CROCC2: variants seen among roughly 807,000 people sequenced by gnomAD.
The protein encoded by CROCC2 is ciliary rootlet coiled-coil, rootletin family member 2, also known as ciliary rootlet coiled-coil protein 2.
A neutral mutation model predicts 177.6 loss-of-function variants in CROCC2; 163 were observed. The ratio of observed to expected loss-of-function variants is 0.92; its 90% CI spans 0.81 to 1.05. The LOEUF is 1.05. Among genes scored for constraint, CROCC2 ranks in the 50% least tolerant of loss-of-function variants. The pLI is 0.00. For synonymous variants in CROCC2, 904 were observed against 787.3 expected, an observed-to-expected ratio of 1.15 and a Z score of -2.48; for missense variants, 1,929 against 1,797.8, an observed-to-expected ratio of 1.07 and a Z score of -1.32.
chr2:240,934,415 AC>A lies in CROCC2; in HGVS notation c.1732del (p.Gln578SerfsTer32), dbSNP rs1223902255. On this transcript the variant is annotated frameshift_variant, in exon 12 of 32. Transcript: ENST00000690015. LOFTEE classifies it high-confidence loss of function. Reference protein sequence around the residue: ...ASVREALSTAQLQRDVVESER... With the variant: ...ASVREALSTAXLQRDVVESER... ...CGGTCCGGGAGGCACTGAGCACAGC[AC>A]AGCTGCAGCGGGATGTCGTGGAGAG... The A allele has an allele frequency of 1.9e-6, 3 of 1,548,582 alleles. No individual in the cohort carries two copies. The highest frequency in any genetic ancestry group is 2.6e-6 in the Non-Finnish European group (3 of 1,146,924).
In CROCC2 at chr2:240,933,729, A is replaced by T. The variant is rs559434174; in HGVS notation, c.1523A>T (p.Asp508Val). The T allele has an allele frequency of 9.0e-6, 14 of 1,550,292 alleles. No homozygotes were observed. The highest frequency in any genetic ancestry group is 1.2e-5 in the South Asian group (1 of 84,054). The change falls in exon 11 of 32, where the codon GAT becomes GTT. Residue 508 changes from aspartate to valine, a missense_variant. Physicochemically the swap from Asp to Val is radical, Grantham distance 152. Around this residue, in one of 3 missense-constraint regions of CROCC2, gnomAD observed 1,397 missense variants for 1,239.9 expected, o/e 1.13. Transcript: ENST00000690015. Reference sequence around the variant, plus strand: ...CTGAAAGGGAAGGCAGATGCTGCAGATGCGGAGAAGCAGGGGCTGGAGGCC... The same window carrying T: ...CTGAAAGGGAAGGCAGATGCTGCAGTTGCGGAGAAGCAGGGGCTGGAGGCC... ...EELKGKADAA[D>V]AEKQGLEAEA...
At chr2:240,974,104 T>C (rs993797744) in intron 27 of CROCC2, among the ~76,000 whole-genome samples, 1 of 152,230 alleles carries the variant, frequency 6.6e-6, no homozygotes, top group Non-Finnish European at 1.5e-5. Context: ...CTTCGTTATA[T>C]ACATGGTCTT....
rs376633622 is a variant in CROCC2, at chr2:240,931,653, G to A, written c.947+525G>A. The stretch of plus-strand genomic sequence containing the variant: ...CAGCTTCAGCAGAAAGTAGGGAGGC[G>A]GCTCCCCAGTGGAGGTCTAACCTGC... On this transcript the variant is annotated intron_variant, in intron 7 of 31. Coordinates refer to ENST00000690015, the MANE Select transcript of CROCC2 (RefSeq NM_001351305.2). Among the ~76,000 whole-genome samples the A allele has an allele frequency of 5.3e-5, 8 of 152,176 alleles. No homozygotes were observed. The South Asian group carries it at 6.2e-4, about 12-fold the overall frequency.
In CROCC2 at chr2:240,946,249, C is replaced by T. The variant is rs1335826957; in HGVS notation, c.2359C>T (p.Leu787Phe). 2.0e-6 allele frequency: 3 copies of T among 1,527,194 alleles called. No individual in the cohort carries two copies. Among genetic ancestry groups the T allele is most frequent in the African/African-American group, 2.8e-5 (2 of 72,692 alleles). The allele number at this position is 1,527,194 out of a possible 1,614,324, so 94.6% of individuals were successfully genotyped here. A position where few individuals can be genotyped will look rare whatever the true frequency, so the allele number is the denominator to read the frequency against. ...GCTCGCAGCTGAAGAGGCAGCTGAT[C>T]TCAGGTATGCAAGGGCCTGCCAGTC... ...GRLAAEEAAD[L>F]RVERDSLESS... Residue 787 changes from leucine to phenylalanine, a missense_variant, in exon 15 of 32, where the codon CTC becomes TTC. Leu to Phe is a conservative substitution (Grantham distance 22, BLOSUM62 0). This residue lies in a region of CROCC2 where 1,397 missense variants were observed against 1,239.9 expected (regional missense o/e 1.13). Coordinates refer to ENST00000690015, the MANE Select transcript of CROCC2 (RefSeq NM_001351305.2).
At chr2:240,969,036 G>A (rs987030359) in intron 27 of CROCC2, among the ~76,000 whole-genome samples, 7 of 152,218 alleles carry the variant, frequency 4.6e-5, no homozygotes, top group Admixed American at 2.0e-4. Context: ...AGAGAACAGC[G>A]TGCCTGGCTG....
chr2:240,945,440 T>C (rs1490385512), intron 14 of CROCC2, among the ~76,000 whole-genome samples: 2 of 152,226 alleles, frequency 1.3e-5, no homozygotes, highest in African/African-American at 2.4e-5. Context: ...TTGGTGGCTC[T>C]GAACCCTAAC....
chr2:240,956,405 C>G (rs780426684), intron 19 of CROCC2: 1 of 175,518 alleles, frequency 5.7e-6, no homozygotes, highest in African/African-American at 2.4e-5. Context: ...CAACCCGAGG[C>G]GGCTGGCCCT....
chr2:240,911,833 T>C (rs2059290872), intron 1 of CROCC2, among the ~76,000 whole-genome samples: 1 of 152,154 alleles, frequency 6.6e-6, no homozygotes, highest in Non-Finnish European at 1.5e-5. Context: ...TCCTTGCTTT[T>C]TAAGGCTGAG....
chr2:240,930,727 G>T (rs1465807853), intron 6 of CROCC2, among the ~76,000 whole-genome samples: 1 of 152,150 alleles, frequency 6.6e-6, no homozygotes, highest in East Asian at 1.9e-4. Context: ...GAAGCCTGAA[G>T]TGTGCAACCT....
Position 240,934,399 on chromosome 2 carries a change from A to G in CROCC2, c.1715A>G (p.Glu572Gly). 2 of 1,548,734 alleles carry G rather than the reference A, an allele frequency of 1.3e-6. No homozygotes were observed. The highest frequency in any genetic ancestry group is 1.7e-6 in the Non-Finnish European group (2 of 1,146,912). The change falls in exon 12 of 32, where the codon GAG becomes GGG. Residue 572 changes from glutamate to glycine, a missense_variant. Around this residue, in one of 3 missense-constraint regions of CROCC2, gnomAD observed 1,397 missense variants for 1,239.9 expected, o/e 1.13. Transcript: ENST00000690015. ...GLREELASVR[E>G]ALSTAQLQRD... is the part of the protein sequence containing the mutation. Reference sequence around the variant, plus strand: ...AGAGAGGAGCTGGCATCGGTCCGGGAGGCACTGAGCACAGCACAGCTGCAG... The same window carrying G: ...AGAGAGGAGCTGGCATCGGTCCGGGGGGCACTGAGCACAGCACAGCTGCAG...
In CROCC2 at chr2:240,932,901, G is replaced by A. The variant is rs758003991; in HGVS notation, c.1244G>A (p.Arg415Gln). Residue 415 changes from arginine to glutamine, a missense_variant, in exon 9 of 32, where the codon CGG becomes CAG. Coordinates refer to ENST00000690015, the MANE Select transcript of CROCC2 (RefSeq NM_001351305.2). ...GCAGCCATAGAGAGGCGGTGGCGGC[G>A]GGAACAGGTGGGCAGCCGCAGCCCA... ...MRAAIERRWRREQELCLQLKS... is the reference protein window; with the variant it reads ...MRAAIERRWRQEQELCLQLKS... The A allele has an allele frequency of 1.9e-5, 30 of 1,545,524 alleles. No individual in the cohort carries two copies. The highest frequency in any genetic ancestry group is 2.1e-4 in the Middle Eastern group (1 of 4,806).
intron 15 of CROCC2, among the ~76,000 whole-genome samples, chr2:240,947,645 T>C (rs748793363): frequency 2.6e-5 from 4 of 152,168 alleles, no homozygotes; most frequent in Non-Finnish European, 5.9e-5. Context: ...GACCATTAAG[T>C]GTGGGAAACC....
At position 240,932,298 on chromosome 2, in the gene CROCC2, C is replaced by A; in HGVS notation, c.948-20C>A. The A allele has an allele frequency of 1.4e-6, 1 of 706,632 alleles. No homozygotes were observed. The highest frequency in any genetic ancestry group is 2.6e-6 in the Non-Finnish European group (1 of 377,364). The allele number at this position is 706,632 out of a possible 1,614,324, so 43.8% of individuals were successfully genotyped here. On this transcript the variant is annotated intron_variant, in intron 7 of 31. Coordinates refer to ENST00000690015, the MANE Select transcript of CROCC2 (RefSeq NM_001351305.2). ...CTCTGGGCCCTGCCCTTCACCCCCA[C>A]ACCCCCCGACTCCTCCCAGACTCTC...
chr2:240,935,417 C>A lies in CROCC2; in HGVS notation c.1998C>A (p.Ala666=). Residue 666 remains alanine (A), a synonymous_variant, in exon 14 of 32, where the codon GCC becomes GCA. Transcript: ENST00000690015. ...EQRKTLEQER[A]RAGEQLAQAE... The stretch of plus-strand genomic sequence containing the variant: ...GGAAGACTCTGGAGCAGGAACGGGC[C>A]CGGGCCGGGGAGCAGCTGGCACAGG... The A allele has an allele frequency of 7.3e-7, 1 of 1,377,300 alleles. No homozygotes were observed. The highest frequency in any genetic ancestry group is 2.9e-5 in the East Asian group (1 of 34,524). The allele number at this position is 1,377,300 out of a possible 1,614,324, so 85.3% of individuals were successfully genotyped here.
In CROCC2 at chr2:240,913,412, G is replaced by A. The variant is rs540840522; in HGVS notation, c.79-5314G>A. On this transcript the variant is annotated intron_variant, in intron 1 of 31. Coordinates refer to ENST00000690015, the MANE Select transcript of CROCC2 (RefSeq NM_001351305.2). The stretch of plus-strand genomic sequence containing the variant: ...GAAAGACAGGGTCCTTGCCCTCCTC[G>A]AGTTCCTTGTTCTGAGTCATTTTGC... 2.6e-5 allele frequency among the ~76,000 whole-genome samples: 4 copies of A among 152,338 alleles called. No homozygotes were observed. The East Asian group carries it at 5.8e-4, about 22-fold the overall frequency.
chr2:240,992,553 T>G (rs2059887574), intron 31 of CROCC2, among the ~76,000 whole-genome samples: 1 of 152,268 alleles, frequency 6.6e-6, no homozygotes. Flanking sequence ...CTGTTACCTC[T>G]GCCTGATTGT....
rs1454693329 is a variant in CROCC2, at chr2:240,933,056, C to T, written c.1252-75C>T. On this transcript the variant is annotated intron_variant, in intron 9 of 31. Transcript: ENST00000690015. ...GTCGGGGGTGTCCTTTCTGGGGAGTCGCAAGCCCTGGTGGGCCTCGGTGGG... is the reference window on the plus strand; with the variant it reads ...GTCGGGGGTGTCCTTTCTGGGGAGTTGCAAGCCCTGGTGGGCCTCGGTGGG... 1.9e-5 allele frequency: 29 copies of T among 1,531,806 alleles called. No homozygotes were observed. In the Middle Eastern group the frequency reaches 5.6e-4, roughly 29 times the overall value. The allele number at this position is 1,531,806 out of a possible 1,614,324, so 94.9% of individuals were successfully genotyped here.
intron 27 of CROCC2, among the ~76,000 whole-genome samples, chr2:240,968,656 G>A (rs1574787750): frequency 6.6e-6 from 1 of 152,022 alleles, no homozygotes; most frequent in African/African-American, 2.4e-5. Context: ...CAGCCTTGGG[G>A]CTCTTTATAG....
At chr2:240,940,518 C>T (rs2059489807) in intron 14 of CROCC2, among the ~76,000 whole-genome samples, 1 of 152,096 alleles carries the variant, frequency 6.6e-6, no homozygotes, top group African/African-American at 2.4e-5. Flanking sequence ...GGGTTTCATA[C>T]CAGGGATGCA....
Sources: allele counts gnomAD v4.1 joint callset (sites outside exome capture counted in the v4.1 genomes callset), GRCh38; gene constraint gnomAD v4.1.1; regional missense constraint gnomAD v4.1.1; transcripts MANE v1.5; gene names NCBI Gene and HGNC (gene_info 2026-07-23, HGNC 2026-07-21).